PDZD2: variants seen among roughly 807,000 people sequenced by gnomAD.
PDZD2 encodes the protein PDZ domain containing 2.
PDZD2 carries 90 observed loss-of-function variants against 220.7 expected under a neutral mutation model. The observed-to-expected ratio is 0.41, with a 90% CI of 0.34 to 0.49. The LOEUF (loss-of-function observed/expected upper bound fraction) is 0.49. Ranked by LOEUF, PDZD2 falls within the 20% of genes least tolerant of loss-of-function variation. PDZD2 has a pLI of 0.28. For synonymous variants in PDZD2, 1,375 were observed against 1,450.5 expected, an observed-to-expected ratio of 0.95 and a Z score of 1.18; for missense variants, 3,174 against 3,608.5, an observed-to-expected ratio of 0.88 and a Z score of 3.08.
At chr5:31,642,288 A>G (rs1307345128) in intron 1 of PDZD2, among the ~76,000 whole-genome samples, 1 of 152,172 alleles carries the variant, frequency 6.6e-6, no homozygotes, top group Non-Finnish European at 1.5e-5. Context: ...CCGCAGCACC[A>G]GGGAGGATGC....
chr5:31,721,225 T>G (rs1748769845), intron 1 of PDZD2, among the ~76,000 whole-genome samples: 1 of 152,182 alleles, frequency 6.6e-6, no homozygotes, highest in Admixed American at 6.5e-5. Flanking sequence ...GGACCCTCAC[T>G]GTCTGACTTT....
At chr5:32,025,806 G>T (rs2112164300) in intron 6 of PDZD2, among the ~76,000 whole-genome samples, 1 of 151,694 alleles carries the variant, frequency 6.6e-6, no homozygotes, top group African/African-American at 2.4e-5. Flanking sequence ...TCACTATGTT[G>T]CCCAGGCTGG....
chr5:32,090,883 C>T lies in PDZD2; in HGVS notation c.7435C>T (p.Arg2479Cys), dbSNP rs772636712. The change falls in exon 20 of 25, where the codon CGC (arginine) becomes TGC (cysteine). Residue 2479 changes from arginine to cysteine, a missense_variant. Around this residue, in one of 4 missense-constraint regions of PDZD2, gnomAD observed 631 missense variants for 789.9 expected, o/e 0.80. Transcript: ENST00000438447. The surrounding 1 kb of genome is among the most constrained non-coding windows in gnomAD (Gnocchi z 4.3). ...CCACACGCAGCCCTCGCCCGTGTCCCGCTCCAAGCTCCAGGAGCTGAGAGC... is the reference window on the plus strand; with the variant it reads ...CCACACGCAGCCCTCGCCCGTGTCCTGCTCCAAGCTCCAGGAGCTGAGAGC... Reference protein sequence around the residue: ...VRHTQPSPVSRSKLQELRALS... With the variant: ...VRHTQPSPVSCSKLQELRALS... 4.6e-5 allele frequency: 75 copies of T among 1,613,852 alleles called. No homozygotes were observed. Among genetic ancestry groups the T allele is most frequent in the South Asian group, 6.6e-5 (6 of 91,086 alleles).
rs199635803 is a variant in PDZD2, at chr5:32,089,846, A to G, written c.6398A>G (p.Tyr2133Cys). ...NCQEKSEIRL[Y>C]RQVAESSTSH... ...CAGGAGAAGAGTGAAATCAGGCTCT[A>G]TCGCCAGGTCGCAGAATCATCCACA... Residue 2133 changes from tyrosine to cysteine, a missense_variant, in exon 20 of 25, where the codon TAT (tyrosine) becomes TGT (cysteine). Around this residue, in one of 4 missense-constraint regions of PDZD2, gnomAD observed 1,861 missense variants for 2,001.0 expected, o/e 0.93. Coordinates refer to ENST00000438447, the MANE Select transcript of PDZD2 (RefSeq NM_178140.4). 2 of 1,613,412 alleles carry G rather than the reference A, an allele frequency of 1.2e-6. No homozygotes were observed. Among genetic ancestry groups the G allele is most frequent in the Non-Finnish European group, 1.7e-6 (2 of 1,179,478 alleles).
In PDZD2 at chr5:32,037,233, G is replaced by T. The variant is rs756218859; in HGVS notation, c.1410G>T (p.Met470Ile). ...GCTCTGTGCTTTCTGCATTTCAGAT[G>T]CCTGGGACAGATGAACCCCAAGATG... ...EGTSSSVQRA[M>I]PGTDEPQDVC... The change falls in exon 7 of 25, where the codon ATG (methionine) becomes ATT (isoleucine). Residue 470 changes from methionine (M) to isoleucine (I), a missense_variant and splice_region_variant. This residue lies in a region of PDZD2 where 632 missense variants were observed against 708.1 expected (regional missense o/e 0.89). Coordinates refer to ENST00000438447, the MANE Select transcript of PDZD2 (RefSeq NM_178140.4). 3 of 1,608,434 alleles carry T rather than the reference G, an allele frequency of 1.9e-6. No individual in the cohort carries two copies. The highest frequency in any genetic ancestry group is 2.6e-6 in the Non-Finnish European group (3 of 1,174,872).
intron 2 of PDZD2, among the ~76,000 whole-genome samples, chr5:31,920,530 G>T (rs1380601191): frequency 6.8e-6 from 1 of 147,562 alleles, no homozygotes; most frequent in East Asian, 2.0e-4. Context: ...AAAAAGTCCA[G>T]GCACTCTGGC....
intron 2 of PDZD2, among the ~76,000 whole-genome samples, chr5:31,861,004 A>G (rs1737657335): frequency 6.6e-6 from 1 of 152,188 alleles, no homozygotes; most frequent in Non-Finnish European, 1.5e-5. Flanking sequence ...CAAGCATAGG[A>G]AAGAGCTCGC....
At chr5:31,761,235 C>T (rs564536429) in intron 1 of PDZD2, among the ~76,000 whole-genome samples, 8 of 152,116 alleles carry the variant, frequency 5.3e-5, no homozygotes, top group East Asian at 3.9e-4. Flanking sequence ...GTCACCCAAA[C>T]GGAAAAATAA....
chr5:31,995,858 G>A (rs998170053), intron 4 of PDZD2, 140 bp downstream of exon 4: 20 of 778,086 alleles, frequency 2.6e-5, no homozygotes, highest in Admixed American at 2.3e-4. Flanking sequence ...AGCACAGGAG[G>A]AAACCAGGCA....
At chr5:31,828,122 C>CT (rs1756342052) in intron 2 of PDZD2, among the ~76,000 whole-genome samples, 1 of 152,166 alleles carries the variant, frequency 6.6e-6, no homozygotes, top group Admixed American at 6.6e-5. Context: ...GTCATTTCCA[C>CT]TTTTTGACTA....
chr5:32,064,836 C>G (rs997696487), intron 14 of PDZD2, among the ~76,000 whole-genome samples: 1 of 150,916 alleles, frequency 6.6e-6, no homozygotes, highest in African/African-American at 2.4e-5. Context: ...GGTGTGCTGG[C>G]GGCTGCCTGT....
chr5:31,837,407 G>A (rs1455545559), intron 2 of PDZD2, among the ~76,000 whole-genome samples: 2 of 152,106 alleles, frequency 1.3e-5, no homozygotes, highest in Admixed American at 6.6e-5. Flanking sequence ...GCTGAGAATG[G>A]TTTTATATTT....
At chr5:32,035,993 G>C (rs1228030141) in intron 6 of PDZD2, among the ~76,000 whole-genome samples, 1 of 152,068 alleles carries the variant, frequency 6.6e-6, no homozygotes, top group South Asian at 2.1e-4. Flanking sequence ...GCCCAGGCTG[G>C]AGTGCAGTAG....
At chr5:31,825,102 T>C (rs1450871652) in intron 2 of PDZD2, among the ~76,000 whole-genome samples, 1 of 152,136 alleles carries the variant, frequency 6.6e-6, no homozygotes, top group Non-Finnish European at 1.5e-5. Flanking sequence ...CAGGGATAGA[T>C]AGACTAAACC....
At chr5:31,856,519 T>C (rs1228493422) in intron 2 of PDZD2, among the ~76,000 whole-genome samples, 5 of 152,158 alleles carry the variant, frequency 3.3e-5, no homozygotes, top group Non-Finnish European at 4.4e-5. Flanking sequence ...CTGGGTGTAA[T>C]TGCCAGCCTC....
At chr5:31,661,185 G>C (rs1745748245) in intron 1 of PDZD2, among the ~76,000 whole-genome samples, 1 of 152,178 alleles carries the variant, frequency 6.6e-6, no homozygotes, top group Non-Finnish European at 1.5e-5. Context: ...GGCTTCGGAG[G>C]TTCTGAGCTG....
At chr5:31,919,610 G>A (rs1446827821) in intron 2 of PDZD2, among the ~76,000 whole-genome samples, 1 of 151,486 alleles carries the variant, frequency 6.6e-6, no homozygotes, top group East Asian at 2.0e-4. Context: ...GCAACCCAGA[G>A]TGCTGGGATT....
At chr5:31,736,859 C>T (rs977148012) in intron 1 of PDZD2, among the ~76,000 whole-genome samples, 1 of 152,108 alleles carries the variant, frequency 6.6e-6, no homozygotes, top group Non-Finnish European at 1.5e-5. Flanking sequence ...CACACAGGAT[C>T]TGAGATCTGG....
At chr5:32,045,768 A>T in intron 7 of PDZD2, among the ~76,000 whole-genome samples, 1 of 152,042 alleles carries the variant, frequency 6.6e-6, no homozygotes, top group East Asian at 1.9e-4. Context: ...ATTGCAAATC[A>T]ATTTCATATG....
Sources: gnomAD v4.1 joint callset for allele counts (sites outside exome capture counted in the v4.1 genomes callset) on GRCh38, gnomAD v4.1.1 for gene constraint, gnomAD v4.1.1 regional missense constraint, Gnocchi (gnomAD v3.1) non-coding constraint, MANE v1.5 for transcripts, NCBI Gene and HGNC (gene_info 2026-07-23, HGNC 2026-07-21) for gene names.